DBX1: variants seen among roughly 807,000 people sequenced by gnomAD.
DBX1 encodes developing brain homeobox 1.
DBX1 carries 10 observed loss-of-function variants against 20.8 expected under a neutral mutation model. The observed-to-expected ratio is 0.48, with a 90% CI of 0.30 to 0.82. DBX1 has a LOEUF of 0.82. Among genes scored for constraint, DBX1 ranks in the 40% least tolerant of loss-of-function variants. The probability of loss-of-function intolerance (pLI) is 0.07; values close to 1 mark genes in which losing one functional copy is unlikely to be tolerated. For missense variants in DBX1, 505 were observed against 468.8 expected (o/e 1.08, Z -0.71); for synonymous variants, 241 against 213.9 (o/e 1.13, Z -1.11).
Position 20,156,248 on chromosome 11 carries a change from T to TC in DBX1, c.997dup (p.Glu333GlyfsTer23), listed in dbSNP as rs1288669278. 1.3e-6 allele frequency: 2 copies of TC among 1,520,436 alleles called. No homozygotes were observed. Among genetic ancestry groups the TC allele is most frequent in the African/African-American group, 2.8e-5 (2 of 71,698 alleles). 94.2% of individuals were successfully genotyped at this position (1,520,436 alleles called of 1,614,324 possible). On this transcript the variant is annotated frameshift_variant, in exon 4 of 4. Transcript: ENST00000524983. LOFTEE classifies it high-confidence loss of function. This position sits in a 1 kb window ranked among gnomAD's most constrained non-coding sequence, Gnocchi z 4.8. ...GGTGATTTCCTCCTGTTCCTCGCCCTCCTCTTCCTCCTCGGAATCTGAGAA... is the reference window on the plus strand; with the variant it reads ...GGTGATTTCCTCCTGTTCCTCGCCCTCCCTCTTCCTCCTCGGAATCTGAGAA...
chr11:20,159,481 T>C (rs80216726), intron 1 of DBX1, among the ~76,000 whole-genome samples, 189 bp from the exon 2 acceptor site: 12,224 of 152,234 alleles, frequency 0.08, 693 homozygotes, highest in Non-Finnish European at 0.12. Flanking sequence ...GTAAAACTCT[T>C]TTCTTTCTCC....
intron 2 of DBX1, among the ~76,000 whole-genome samples, chr11:20,158,791 G>C (rs377066782): frequency 6.6e-6 from 1 of 151,982 alleles, no homozygotes; most frequent in Admixed American, 6.5e-5. Context: ...GACTAGGGCC[G>C]GTCTGTGTGT....
chr11:20,157,856 A>G (rs1229048352), intron 2 of DBX1, among the ~76,000 whole-genome samples: 1 of 152,198 alleles, frequency 6.6e-6, no homozygotes, highest in Non-Finnish European at 1.5e-5. Flanking sequence ...TTGGTATGAT[A>G]AAAGGGGGGA....
rs1256256059 is a variant in DBX1, at chr11:20,156,665, G to A, written c.673-92C>T. On this transcript the variant is annotated intron_variant, in intron 3 of 3. Transcript: ENST00000524983. The surrounding 1 kb of genome is among the most constrained non-coding windows in gnomAD (Gnocchi z 4.8). ...ACGGGGGCGGGGAGTGGAGTCGGGT[G>A]CAGGCTCTGTCCTTCGGGCTGTGTC... 1.6e-5 allele frequency: 25 copies of A among 1,570,042 alleles called. No homozygotes were observed. Among genetic ancestry groups the A allele is most frequent in the African/African-American group, 4.1e-5 (3 of 73,926 alleles).
At position 20,160,420 on chromosome 11, in the gene DBX1, T is replaced by G. The variant is rs2063684620; in HGVS notation, c.-96A>C. 7.2e-7 allele frequency: 1 copy of G among 1,395,318 alleles called. No individual in the cohort carries two copies. The highest frequency in any genetic ancestry group is 3.1e-5 in the Admixed American group (1 of 32,654). 86.4% of individuals were successfully genotyped at this position (1,395,318 alleles called of 1,614,324 possible). On this transcript the variant is annotated 5_prime_UTR_variant, in exon 1 of 4. Transcript: ENST00000524983. The stretch of plus-strand genomic sequence containing the variant: ...CCCGCCCCCACAGTGTCCTCTCTCT[T>G]GGGCTTAGCAAACGTCTCCAAGTAA...
intron 1 of DBX1, 137 bp downstream of exon 1, chr11:20,159,821 A>G (rs1468500901): frequency 2.5e-6 from 3 of 1,206,502 alleles, no homozygotes; most frequent in Non-Finnish European, 3.5e-6. Context: ...TGCCTGACGT[A>G]GGGTCTCAGA....
At chr11:20,159,329 GAGAC>G in intron 1 of DBX1, 37 bp from the exon 2 acceptor site, 1 of 1,377,638 alleles carries the variant, frequency 7.3e-7, no homozygotes, top group Non-Finnish European at 1.0e-6. Flanking sequence ...AGGAGAGAGG[GAGAC>G]AGAAAGAATC....
At chr11:20,157,349 T>C in intron 2 of DBX1, 110 bp from the exon 3 acceptor site, 1 of 1,005,890 alleles carries the variant, frequency 9.9e-7, no homozygotes, top group Non-Finnish European at 1.4e-6. Context: ...ACGCTCCTTT[T>C]TCTCCCCCTG....
rs1565143728 is a variant in DBX1 at position 20,160,381 on chromosome 11, C to A, written c.-57G>T. 1 of 1,449,396 alleles carries A rather than the reference C, an allele frequency of 6.9e-7. No individual in the cohort carries two copies. Among genetic ancestry groups the A allele is most frequent in the South Asian group, 1.4e-5 (1 of 70,874 alleles). The allele number at this position is 1,449,396 out of a possible 1,614,324, so 89.8% of individuals were successfully genotyped here. ...TTCAGTGGCCGGAGGGTAAACGCCT[C>A]GCTTCCCGCCCCTCCCGCCCCCACA... On this transcript the variant is annotated 5_prime_UTR_variant, in exon 1 of 4. Coordinates refer to ENST00000524983, the MANE Select transcript of DBX1 (RefSeq NM_001029865.4).
Position 20,156,776 on chromosome 11 carries a change from C to T in DBX1, c.673-203G>A. On this transcript the variant is annotated intron_variant, in intron 3 of 3. Coordinates refer to ENST00000524983, the MANE Select transcript of DBX1 (RefSeq NM_001029865.4). This position sits in a 1 kb window ranked among gnomAD's most constrained non-coding sequence, Gnocchi z 4.8. ...AGCTCGCGGTTCCGTTTGCCTCATC[C>T]GCTGCCACCCTGCCCCGAAGGGCGG... The T allele has an allele frequency of 1.1e-6, 1 of 897,932 alleles. No homozygotes were observed. Among genetic ancestry groups the T allele is most frequent in the Non-Finnish European group, 1.8e-6 (1 of 568,256 alleles). The allele number at this position is 897,932 out of a possible 1,614,324, so 55.6% of individuals were successfully genotyped here.
rs1371551884 is a variant in DBX1, at chr11:20,156,673, T to C, written c.673-100A>G. The C allele has an allele frequency of 6.5e-7, 1 of 1,545,672 alleles. No individual in the cohort carries two copies. ...GGGGAGTGGAGTCGGGTGCAGGCTCTGTCCTTCGGGCTGTGTCCTCTCCCC... is the reference window on the plus strand; with the variant it reads ...GGGGAGTGGAGTCGGGTGCAGGCTCCGTCCTTCGGGCTGTGTCCTCTCCCC... On this transcript the variant is annotated intron_variant, in intron 3 of 3. Coordinates refer to ENST00000524983, the MANE Select transcript of DBX1 (RefSeq NM_001029865.4). The surrounding 1 kb of genome is among the most constrained non-coding windows in gnomAD (Gnocchi z 4.8).
At position 20,160,150 on chromosome 11, in the gene DBX1, G is replaced by A. The variant is rs1208486148; in HGVS notation, c.175C>T (p.Pro59Ser). 2 of 1,547,952 alleles carry A rather than the reference G, an allele frequency of 1.3e-6. No individual in the cohort carries two copies. The highest frequency in any genetic ancestry group is 1.7e-4 in the Middle Eastern group (1 of 5,832). Residue 59 changes from proline to serine, a missense_variant, in exon 1 of 4, where the codon CCC becomes TCC. Physicochemically the swap from Pro to Ser is moderately conservative, Grantham distance 74. Coordinates refer to ENST00000524983, the MANE Select transcript of DBX1 (RefSeq NM_001029865.4). ...RPPAYLPRSV[P>S]TASMSPPRQG... is the part of the protein sequence containing the mutation. ...CTGGGCGGCGACATGCTGGCGGTGG[G>A]CACGCTGCGGGGCAGGTAGGCGGGG...
intron 2 of DBX1, among the ~76,000 whole-genome samples, chr11:20,158,502 C>G (rs1266094032): frequency 2.0e-5 from 3 of 152,120 alleles, no homozygotes; most frequent in Admixed American, 6.5e-5. Context: ...CTGTTTTAGG[C>G]TGGGACACAA....
Position 20,156,864 on chromosome 11 carries a change from A to C in DBX1, c.672+173T>G. On this transcript the variant is annotated intron_variant, in intron 3 of 3. Coordinates refer to ENST00000524983, the MANE Select transcript of DBX1 (RefSeq NM_001029865.4). The surrounding 1 kb of genome is among the most constrained non-coding windows in gnomAD (Gnocchi z 4.8). ...GTCGGGGTGGGGAGAGAAGAGGGCT[A>C]TCCTGCGGAGCTTCGAGGGTAGTGG... Among the ~76,000 whole-genome samples, 1 of 151,890 alleles carries C rather than the reference A, an allele frequency of 6.6e-6. No homozygotes were observed. The highest frequency in any genetic ancestry group is 6.5e-5 in the Admixed American group (1 of 15,270).
intron 2 of DBX1, among the ~76,000 whole-genome samples, chr11:20,158,905 G>C (rs2063673959): frequency 6.6e-6 from 1 of 152,106 alleles, no homozygotes; most frequent in African/African-American, 2.4e-5. Context: ...GTGAAGGGAT[G>C]CCAACAGCTC....
chr11:20,160,208 G>A lies in DBX1; in HGVS notation c.117C>T (p.Phe39=), dbSNP rs1224829143. Reference sequence around the variant, plus strand: ...TGATGCGGATCAGATCCTCCACCAGGAAGCTGGAGTGGCCGGAAAATGCCG... The same window carrying A: ...TGATGCGGATCAGATCCTCCACCAGAAAGCTGGAGTGGCCGGAAAATGCCG... ...LQSAFSGHSS[F]LVEDLIRISR... The change falls in exon 1 of 4, where the codon TTC becomes TTT. Residue 39 remains phenylalanine, a synonymous_variant. Transcript: ENST00000524983. The A allele has an allele frequency of 1.9e-6, 3 of 1,547,610 alleles. No homozygotes were observed. The highest frequency in any genetic ancestry group is 1.2e-5 in the South Asian group (1 of 83,994).
At position 20,156,507 on chromosome 11, in the gene DBX1, T is replaced by G. The variant is rs758501706; in HGVS notation, c.739A>C (p.Ser247Arg). ...RNSKERELLS[S>R]GGCREQTLPT... ...AGGGTCTGCTCGCGACAGCCCCCGC[T>G]AGACAGGAGTTCGCGCTCCTTGGAG... The change falls in exon 4 of 4, where the codon AGC (serine) becomes CGC (arginine). Residue 247 changes from serine (S) to arginine (R), a missense_variant. Physicochemically the swap from Ser to Arg is moderately radical, Grantham distance 110. Coordinates refer to ENST00000524983, the MANE Select transcript of DBX1 (RefSeq NM_001029865.4). The surrounding 1 kb of genome is among the most constrained non-coding windows in gnomAD (Gnocchi z 4.8). 2 of 1,613,962 alleles carry G rather than the reference T, an allele frequency of 1.2e-6. No individual in the cohort carries two copies. The highest frequency in any genetic ancestry group is 3.3e-5 in the Admixed American group (2 of 60,034).
At position 20,160,426 on chromosome 11, in the gene DBX1, T is replaced by C; in HGVS notation, c.-102A>G. The C allele has an allele frequency of 7.3e-7, 1 of 1,367,622 alleles. No homozygotes were observed. The highest frequency in any genetic ancestry group is 9.5e-7 in the Non-Finnish European group (1 of 1,053,722). The allele number at this position is 1,367,622 out of a possible 1,614,324, so 84.7% of individuals were successfully genotyped here. On this transcript the variant is annotated 5_prime_UTR_variant, in exon 1 of 4. Coordinates refer to ENST00000524983, the MANE Select transcript of DBX1 (RefSeq NM_001029865.4). Reference sequence around the variant, plus strand: ...CCCACAGTGTCCTCTCTCTTGGGCTTAGCAAACGTCTCCAAGTAACAATCC... The same window carrying C: ...CCCACAGTGTCCTCTCTCTTGGGCTCAGCAAACGTCTCCAAGTAACAATCC...
rs2063661153 is a variant in DBX1 at position 20,156,919 on chromosome 11, G to A, written c.672+118C>T. The A allele has an allele frequency of 2.8e-6, 3 of 1,069,564 alleles. No individual in the cohort carries two copies. In the Admixed American group the frequency reaches 6.0e-5, roughly 21 times the overall value. The allele number at this position is 1,069,564 out of a possible 1,614,324, so 66.3% of individuals were successfully genotyped here. A position where few individuals can be genotyped will look rare whatever the true frequency, so the allele number is the denominator to read the frequency against. Reference sequence around the variant, plus strand: ...TGTACTCACTCCCTCTCTAGGCCTCGGTTTTCCCATCTGTACAGTGGGACC... The same window carrying A: ...TGTACTCACTCCCTCTCTAGGCCTCAGTTTTCCCATCTGTACAGTGGGACC... On this transcript the variant is annotated intron_variant, in intron 3 of 3. Transcript: ENST00000524983. This position sits in a 1 kb window ranked among gnomAD's most constrained non-coding sequence, Gnocchi z 4.8.
Sources: gnomAD v4.1 joint callset for allele counts (sites outside exome capture counted in the v4.1 genomes callset) on GRCh38, gnomAD v4.1.1 for gene constraint, Gnocchi (gnomAD v3.1) non-coding constraint, MANE v1.5 for transcripts, NCBI Gene and HGNC (gene_info 2026-07-23, HGNC 2026-07-21) for gene names.